Variants in OOSP1 observed in about 807,000 individuals in gnomAD.
OOSP1 encodes putative oocyte-secreted protein 1 homolog.
Under a neutral mutation model 5.7 loss-of-function variants are expected in OOSP1, and 11 were observed. The observed-to-expected ratio is 1.94, with a 90% CI of 1.22 to 3.20. The LOEUF (loss-of-function observed/expected upper bound fraction) is 3.20, where lower values mean the gene tolerates loss of function less well. Among genes scored for constraint, OOSP1 ranks in the 30% most tolerant of loss-of-function variants. The pLI, the probability that OOSP1 is intolerant of heterozygous loss-of-function variation, is 0.00. For missense variants in OOSP1, 83 were observed against 54.1 expected, an observed-to-expected ratio of 1.53 and a Z score of -1.67; for synonymous variants, 44 against 20.0, an observed-to-expected ratio of 2.20 and a Z score of -3.20.
chr11:59,947,909 G>A, intron 4 of OOSP1, 47 bp downstream of exon 4: 1 of 398,290 alleles, frequency 2.5e-6, no homozygotes, highest in Non-Finnish European at 4.4e-6. Flanking sequence ...GTCCAGGTAT[G>A]TCCTAGATAC....
intron 4 of OOSP1, among the ~76,000 whole-genome samples, chr11:59,955,167 A>G (rs1384009628): frequency 6.6e-6 from 1 of 152,146 alleles, no homozygotes. Context: ...CAACTGGCCA[A>G]AGGAAATCTA....
chr11:59,942,746 A>G lies in OOSP1; in HGVS notation c.77-101A>G, dbSNP rs1019488433. The G allele has an allele frequency of 3.7e-5, 22 of 601,040 alleles. No individual in the cohort carries two copies. The Admixed American group carries it at 4.9e-4, about 13-fold the overall frequency. 37.2% of individuals were successfully genotyped at this position (601,040 alleles called of 1,614,324 possible). A position where few individuals can be genotyped will look rare whatever the true frequency, so the allele number is the denominator to read the frequency against. On this transcript the variant is annotated intron_variant, in intron 1 of 4. Transcript: ENST00000646685. ...ACCTCTTAAGACATTTTGTTTTAGT[A>G]AGGGATGATCTCTTCATTTGTATTA... is the stretch of plus-strand genomic sequence containing the variant.
At chr11:59,941,859 G>A (rs1031342046) in intron 1 of OOSP1, among the ~76,000 whole-genome samples, 1 of 152,064 alleles carries the variant, frequency 6.6e-6, no homozygotes, top group Non-Finnish European at 1.5e-5. Context: ...CCAGTTTCTC[G>A]GCATCCTCAC....
At chr11:59,956,802 A>G (rs1324274893) in intron 4 of OOSP1, among the ~76,000 whole-genome samples, 1 of 152,116 alleles carries the variant, frequency 6.6e-6, no homozygotes, top group Non-Finnish European at 1.5e-5. Flanking sequence ...AGAACATACA[A>G]TGTTTGGTTT....
At chr11:59,954,964 C>G (rs773997107) in intron 4 of OOSP1, among the ~76,000 whole-genome samples, 22 of 151,336 alleles carry the variant, frequency 1.5e-4, no homozygotes, top group Admixed American at 7.9e-4. Context: ...ATCAAGAATC[C>G]TTTTGTTAGA....
chr11:59,942,104 A>G lies in OOSP1; in HGVS notation c.77-743A>G, dbSNP rs568574788. Among the ~76,000 whole-genome samples the G allele has an allele frequency of 2.6e-5, 4 of 152,296 alleles. No homozygotes were observed. In the East Asian group the frequency reaches 5.8e-4, roughly 22 times the overall value. ...CTCAGGCTCCTTCTAGTATCTTAAG[A>G]GCAACTGATAAAATTTTCCTTTAGT... On this transcript the variant is annotated intron_variant, in intron 1 of 4. Transcript: ENST00000646685.
At chr11:59,954,629 T>TTATCTATC (rs55633618) in intron 4 of OOSP1, among the ~76,000 whole-genome samples, 22,296 of 148,212 alleles carry the variant, frequency 0.15, 1,720 homozygotes, top group Admixed American at 0.17. Context: ...TGAAGGGACT[T>TTATCTATC]TATCTATCTA....
At chr11:59,947,597 G>C in intron 3 of OOSP1, 136 bp from the exon 4 acceptor site, 1 of 392,170 alleles carries the variant, frequency 2.5e-6, no homozygotes, top group Non-Finnish European at 4.5e-6. Flanking sequence ...GGGTGTGTTG[G>C]GGAGTGGTGG....
intron 4 of OOSP1, among the ~76,000 whole-genome samples, chr11:59,953,177 C>T (rs553978343): frequency 3.9e-5 from 6 of 152,160 alleles, no homozygotes; most frequent in Admixed American, 2.6e-4. Flanking sequence ...ATTATTCTGG[C>T]TTAGAGCAGG....
chr11:59,953,398 C>G (rs1853960164), intron 4 of OOSP1, among the ~76,000 whole-genome samples: 1 of 152,072 alleles, frequency 6.6e-6, no homozygotes, highest in African/African-American at 2.4e-5. Context: ...TATTTTTTCT[C>G]TCTAGGAAGA....
intron 4 of OOSP1, 75 bp from the exon 5 acceptor site, chr11:59,957,120 G>T: frequency 2.5e-6 from 1 of 394,454 alleles, no homozygotes; most frequent in Non-Finnish European, 4.5e-6. Flanking sequence ...AACTTTGAAT[G>T]CTTCTTTGAA....
At chr11:59,952,747 C>G (rs959775076) in intron 4 of OOSP1, among the ~76,000 whole-genome samples, 3 of 152,118 alleles carry the variant, frequency 2.0e-5, no homozygotes, top group Non-Finnish European at 4.4e-5. Flanking sequence ...TCTAATTCAT[C>G]TATCTAACAA....
chr11:59,942,602 T>C (rs1264547231), intron 1 of OOSP1, among the ~76,000 whole-genome samples: 1 of 152,152 alleles, frequency 6.6e-6, no homozygotes, highest in East Asian at 1.9e-4. Flanking sequence ...TATTTTGTAT[T>C]GATTTTTTCC....
intron 2 of OOSP1, among the ~76,000 whole-genome samples, chr11:59,944,723 C>CT (rs966907680): frequency 1.3e-5 from 2 of 151,938 alleles, no homozygotes; most frequent in African/African-American, 2.4e-5. Flanking sequence ...ATAATTATTG[C>CT]TTTTTTTAGA....
chr11:59,955,294 T>G (rs188755546), intron 4 of OOSP1, among the ~76,000 whole-genome samples: 1 of 152,276 alleles, frequency 6.6e-6, no homozygotes, highest in East Asian at 1.9e-4. Flanking sequence ...ATTATTTATA[T>G]TGACTTCTTA....
chr11:59,946,182 T>C (rs1407865589), intron 3 of OOSP1, among the ~76,000 whole-genome samples: 3 of 152,150 alleles, frequency 2.0e-5, no homozygotes, highest in African/African-American at 7.2e-5. Flanking sequence ...GGCATTGGAT[T>C]CTCATAGGAG....
intron 4 of OOSP1, among the ~76,000 whole-genome samples, chr11:59,952,477 T>C (rs962782983): frequency 2.6e-5 from 4 of 152,140 alleles, no homozygotes; most frequent in Admixed American, 1.3e-4. Context: ...GCATAATGTC[T>C]TTTGCAGGAA....
exon 5 of OOSP1, chr11:59,957,317 T>C: frequency 2.5e-6 from 1 of 397,330 alleles, no homozygotes; most frequent in East Asian, 3.6e-5. Flanking sequence ...CATCACACCC[T>C]GCAATTTCAT....
intron 4 of OOSP1, among the ~76,000 whole-genome samples, chr11:59,950,595 T>G (rs1318520976): frequency 6.6e-6 from 1 of 152,160 alleles, no homozygotes; most frequent in Non-Finnish European, 1.5e-5. Context: ...AGTTGTCAGC[T>G]GTATCTTCTG....
Sources: gnomAD v4.1 joint callset for allele counts (sites outside exome capture counted in the v4.1 genomes callset) on GRCh38, gnomAD v4.1.1 for gene constraint, MANE v1.5 for transcripts, NCBI Gene and HGNC (gene_info 2026-07-23, HGNC 2026-07-21) for gene names.